Variants in CDYL2 observed in about 807,000 individuals in gnomAD.
CDYL2 encodes chromodomain Y like 2, also known as chromodomain Y-like protein 2.
A neutral mutation model predicts 49.4 loss-of-function variants in CDYL2; 23 were observed. The observed-to-expected ratio is 0.47, with a 90% CI of 0.34 to 0.66. The LOEUF is 0.66. Among genes scored for constraint, CDYL2 ranks in the 30% least tolerant of loss-of-function variants. CDYL2 has a pLI of 0.01. For missense variants in CDYL2, 678 were observed against 656.4 expected, an observed-to-expected ratio of 1.03 and a Z score of -0.36; for synonymous variants, 360 against 268.8, an observed-to-expected ratio of 1.34 and a Z score of -3.32.
At chr16:80,782,156 A>T (rs1398278535) in intron 1 of CDYL2, among the ~76,000 whole-genome samples, 1 of 152,038 alleles carries the variant, frequency 6.6e-6, no homozygotes, top group Non-Finnish European at 1.5e-5. Flanking sequence ...GCTCAATGAG[A>T]AATGAAAAAA....
At chr16:80,615,769 C>T (rs1906800511) in intron 4 of CDYL2, among the ~76,000 whole-genome samples, 1 of 152,182 alleles carries the variant, frequency 6.6e-6, no homozygotes, top group Non-Finnish European at 1.5e-5. Flanking sequence ...CTCTGACCCT[C>T]CGCCCCAGCC....
intron 1 of CDYL2, among the ~76,000 whole-genome samples, chr16:80,730,426 C>G (rs530758084): frequency 1.1e-4 from 16 of 152,038 alleles, no homozygotes; most frequent in Non-Finnish European, 1.8e-4. Context: ...TCTGAATAGA[C>G]CAATAACAGG....
chr16:80,688,341 C>T (rs1289835273), intron 1 of CDYL2, among the ~76,000 whole-genome samples: 3 of 152,190 alleles, frequency 2.0e-5, no homozygotes, highest in African/African-American at 7.2e-5. Flanking sequence ...TTGGCTCTGT[C>T]ATTTTCTATC....
At chr16:80,691,924 G>T (rs1376392168) in intron 1 of CDYL2, among the ~76,000 whole-genome samples, 1 of 152,146 alleles carries the variant, frequency 6.6e-6, no homozygotes, top group Admixed American at 6.5e-5. Context: ...CTGGAACCAG[G>T]AAAGGACAGA....
At chr16:80,735,775 C>T (rs1375835843) in intron 1 of CDYL2, among the ~76,000 whole-genome samples, 1 of 152,216 alleles carries the variant, frequency 6.6e-6, no homozygotes. Flanking sequence ...TCAGACCACC[C>T]CTTCCATTTG....
rs189548261 is a variant in CDYL2, at chr16:80,740,984, G to A, written c.25-55855C>T. Among the ~76,000 whole-genome samples, 630 of 151,650 alleles carry A rather than the reference G, an allele frequency of 4.2e-3. 6 individuals carry two copies. The highest frequency in any genetic ancestry group is 0.015 in the African/African-American group (602 of 41,422). ...CATCTGGATTTTTTAAACTTGACAA[G>A]TTTATTTTAAGTAAATAACAAACAG... On this transcript the variant is annotated intron_variant, in intron 1 of 6. Transcript: ENST00000570137.
intron 1 of CDYL2, among the ~76,000 whole-genome samples, chr16:80,709,375 C>T (rs1904513647): frequency 7.3e-6 from 1 of 136,450 alleles, no homozygotes; most frequent in African/African-American, 3.4e-5. Flanking sequence ...TAGCGAGACT[C>T]CATTTCAAAA....
At chr16:80,608,359 A>G (rs918623535) in intron 5 of CDYL2, 124 bp from the exon 6 acceptor site, 3 of 1,092,570 alleles carry the variant, frequency 2.7e-6, no homozygotes, top group Non-Finnish European at 3.8e-6. Flanking sequence ...CCAGATCCTT[A>G]TCTTATTTTG....
chr16:80,716,353 C>T (rs1034162628), intron 1 of CDYL2, among the ~76,000 whole-genome samples: 1 of 152,196 alleles, frequency 6.6e-6, no homozygotes, highest in Non-Finnish European at 1.5e-5. Context: ...TATGCCAAGA[C>T]TTACCACAGC....
intron 1 of CDYL2, among the ~76,000 whole-genome samples, chr16:80,790,559 GT>G (rs1432265632): frequency 6.6e-6 from 1 of 152,232 alleles, no homozygotes; most frequent in African/African-American, 2.4e-5. Flanking sequence ...CAAAGTGAAT[GT>G]GGTTTCAGGT....
chr16:80,714,925 T>C (rs16953873), intron 1 of CDYL2, among the ~76,000 whole-genome samples: 5,585 of 152,212 alleles, frequency 0.037, 344 homozygotes, highest in African/African-American at 0.13. Flanking sequence ...TGTTTCCATC[T>C]GTCCCCCCAA....
intron 1 of CDYL2, among the ~76,000 whole-genome samples, chr16:80,720,536 C>G (rs908511821): frequency 3.3e-5 from 5 of 152,204 alleles, no homozygotes; most frequent in Admixed American, 1.3e-4. Context: ...GGACACTGTT[C>G]TCTGCTGACA....
chr16:80,670,883 G>T (rs572717710), intron 2 of CDYL2: 1 of 455,538 alleles, frequency 2.2e-6, no homozygotes, highest in African/African-American at 2.0e-5. Context: ...GTCAGGTTGC[G>T]CACGAGGAAG....
intron 1 of CDYL2, among the ~76,000 whole-genome samples, chr16:80,776,532 T>C (rs929672304): frequency 6.6e-6 from 1 of 151,382 alleles, no homozygotes. Context: ...AATGTATAAA[T>C]AAATTCCATA....
chr16:80,699,524 A>ACCTC (rs951256488), intron 1 of CDYL2, among the ~76,000 whole-genome samples: 6 of 96,972 alleles, frequency 6.2e-5, no homozygotes, highest in Admixed American at 2.0e-4. Flanking sequence ...AATAGCACGA[A>ACCTC]CAGAGGATAG....
intron 1 of CDYL2, among the ~76,000 whole-genome samples, chr16:80,768,897 C>T (rs1906815780): frequency 1.3e-5 from 2 of 152,226 alleles, no homozygotes; most frequent in African/African-American, 4.8e-5. Context: ...TAGAAAATGG[C>T]ATATAATAAG....
chr16:80,665,191 G>A (rs1048823519), intron 2 of CDYL2, among the ~76,000 whole-genome samples: 2 of 152,108 alleles, frequency 1.3e-5, no homozygotes, highest in East Asian at 1.9e-4. Flanking sequence ...AGTTCTCACT[G>A]TCTAGAACAC....
At chr16:80,737,645 T>A (rs947701798) in intron 1 of CDYL2, among the ~76,000 whole-genome samples, 3 of 152,186 alleles carry the variant, frequency 2.0e-5, no homozygotes, top group African/African-American at 7.2e-5. Flanking sequence ...GCACTGGTTC[T>A]CAAACTTTGG....
chr16:80,726,357 A>T (rs1421936791), intron 1 of CDYL2, among the ~76,000 whole-genome samples: 1 of 152,252 alleles, frequency 6.6e-6, no homozygotes, highest in Non-Finnish European at 1.5e-5. Context: ...GGCACAACAA[A>T]CAATAACTGT....
Sources: gnomAD v4.1 joint callset for allele counts (sites outside exome capture counted in the v4.1 genomes callset) on GRCh38, gnomAD v4.1.1 for gene constraint, MANE v1.5 for transcripts, NCBI Gene and HGNC (gene_info 2026-07-23, HGNC 2026-07-21) for gene names.